The following ZPBP variants were observed in gnomAD, a reference collection of about 807,000 sequenced individuals.
ZPBP encodes the protein zona pellucida-binding protein 1.
ZPBP carries 26 observed loss-of-function variants against 44.8 expected under a neutral mutation model. That is an observed-to-expected ratio of 0.58 (90% confidence interval 0.43 to 0.81). The LOEUF is 0.81. Among genes scored for constraint, ZPBP ranks in the 30% least tolerant of loss-of-function variants. The pLI is 0.00. For synonymous variants in ZPBP, 174 were observed against 153.2 expected (o/e 1.14, Z -1.00); for missense variants, 409 against 434.0 (o/e 0.94, Z 0.51).
intron 2 of ZPBP, among the ~76,000 whole-genome samples, chr7:49,879,657 A>G (rs1175209129): frequency 6.6e-6 from 1 of 152,008 alleles, no homozygotes; most frequent in African/African-American, 2.4e-5. Context: ...AAGGCCTTGT[A>G]CTGCAGTTTT....
At chr7:50,027,410 A>G (rs991252912) in intron 5 of ZPBP, among the ~76,000 whole-genome samples, 4 of 152,070 alleles carry the variant, frequency 2.6e-5, no homozygotes, top group African/African-American at 9.7e-5. Context: ...ATTAGAAAAT[A>G]CTTGTAGATG....
At chr7:49,844,583 G>T in the ZPBP span, among the ~76,000 whole-genome samples, 1 of 152,220 alleles carries the variant, frequency 6.6e-6, no homozygotes, top group Non-Finnish European at 1.5e-5. Context: ...GAAAGGTAAT[G>T]CAGCATGGAA....
intron 2 of ZPBP, among the ~76,000 whole-genome samples, chr7:50,084,848 C>T (rs929016020): frequency 2.0e-5 from 3 of 151,974 alleles, no homozygotes; most frequent in African/African-American, 7.2e-5. Flanking sequence ...AAAATTACCT[C>T]CTTCATAAAA....
rs772657162 is a variant in ZPBP at position 50,093,113 on chromosome 7, T to TGGCGGCCCGAGAGAGCAGGGAGCC, written c.58_81dup (p.Gly20_Ala27dup). The TGGCGGCCCGAGAGAGCAGGGAGCC allele has an allele frequency of 9.4e-6, 15 of 1,589,674 alleles. No homozygotes were observed. The highest frequency in any genetic ancestry group is 5.7e-5 in the South Asian group (5 of 87,744). On this transcript the variant is annotated inframe_insertion, in exon 1 of 8. Coordinates refer to ENST00000046087, the MANE Select transcript of ZPBP (RefSeq NM_007009.3). ...AGGAAGGCGGAGATAAAGAGGAGGA[T>TGGCGGCCCGAGAGAGCAGGGAGCC]GGCGGCCCGAGAGAGCAGGGAGCCG...
intron 1 of ZPBP, among the ~76,000 whole-genome samples, chr7:49,926,897 G>T (rs1015820320): frequency 6.6e-6 from 1 of 152,176 alleles, no homozygotes; most frequent in African/African-American, 2.4e-5. Context: ...CATAGCGGCC[G>T]CAGGAAATTC....
In ZPBP at chr7:49,851,940, C is replaced by T. The variant is rs144638168; in HGVS notation, n.510-1426G>A. Among the ~76,000 whole-genome samples, 1,367 of 152,274 alleles carry T rather than the reference C, an allele frequency of 9.0e-3. 17 individuals carry two copies. The highest frequency in any genetic ancestry group is 0.031 in the African/African-American group (1,298 of 41,570). ...CACTGGATCTCTAAAGTTCAGTGGGCTCTTTCCCACTCCCGTTCTAAGGAC... is the reference window on the plus strand; with the variant it reads ...CACTGGATCTCTAAAGTTCAGTGGGTTCTTTCCCACTCCCGTTCTAAGGAC... On this transcript the variant is annotated intron_variant and non_coding_transcript_variant, in intron 2 of 2. Transcript: ENST00000465922.
intron 2 of ZPBP, among the ~76,000 whole-genome samples, chr7:49,875,387 A>AAAAAAAAAAAC (rs1791366042): frequency 6.7e-6 from 1 of 149,738 alleles, no homozygotes; most frequent in Non-Finnish European, 1.5e-5. Context: ...AAAAAAAAAA[A>AAAAAAAAAAAC]AAAAAAAAAA....
intron 7 of ZPBP, among the ~76,000 whole-genome samples, chr7:49,946,969 G>C (rs1299028468): frequency 6.6e-6 from 1 of 152,038 alleles, no homozygotes; most frequent in Non-Finnish European, 1.5e-5. Flanking sequence ...GATAAATTCT[G>C]CTGTTAAGAG....
chr7:49,849,698 G>C (rs1022247616), downstream of ZPBP, among the ~76,000 whole-genome samples: 2 of 152,200 alleles, frequency 1.3e-5, no homozygotes, highest in Non-Finnish European at 2.9e-5. Context: ...TTTATTTCAG[G>C]GAGATTGTGG....
At chr7:49,864,240 G>C (rs142773730) in intron 2 of ZPBP, among the ~76,000 whole-genome samples, 1 of 152,132 alleles carries the variant, frequency 6.6e-6, no homozygotes, top group African/African-American at 2.4e-5. Context: ...AAGGGAAAGA[G>C]AGGAAGACAG....
At chr7:49,900,819 T>C (rs1028764558) in intron 2 of ZPBP, among the ~76,000 whole-genome samples, 2 of 151,842 alleles carry the variant, frequency 1.3e-5, no homozygotes, top group Non-Finnish European at 3.0e-5. Context: ...AAAGGAAAAC[T>C]AAAGACTAAT....
intron 7 of ZPBP, chr7:49,940,629 G>A (rs1794834052): frequency 3.2e-6 from 1 of 315,996 alleles, no homozygotes; most frequent in Non-Finnish European, 4.6e-6. Flanking sequence ...CCAGCCATAG[G>A]TCTACAGCAA....
intron 3 of ZPBP, among the ~76,000 whole-genome samples, chr7:50,058,750 G>T (rs535933555): frequency 2.0e-5 from 3 of 152,102 alleles, no homozygotes; most frequent in Admixed American, 2.0e-4. Context: ...TTGCAGTGCT[G>T]GGGGTTAGAA....
chr7:49,926,251 T>G (rs139222746), intron 1 of ZPBP, among the ~76,000 whole-genome samples: 87 of 152,360 alleles, frequency 5.7e-4, no homozygotes, highest in Middle Eastern at 3.4e-3. Flanking sequence ...TTGAGTCCTC[T>G]TGTGGAACAT....
intron 2 of ZPBP, among the ~76,000 whole-genome samples, chr7:49,878,909 C>G (rs755675640): frequency 6.6e-6 from 1 of 152,132 alleles, no homozygotes; most frequent in Non-Finnish European, 1.5e-5. Flanking sequence ...ACTGGATAGT[C>G]TAATATGTCT....
intron 5 of ZPBP, among the ~76,000 whole-genome samples, chr7:50,029,811 T>G (rs929692834): frequency 3.3e-5 from 5 of 150,052 alleles, no homozygotes; most frequent in Admixed American, 2.0e-4. Flanking sequence ...TCTAGTATAC[T>G]TTCAGCTTTT....
At chr7:50,030,751 G>A (rs967612306) in intron 5 of ZPBP, among the ~76,000 whole-genome samples, 14 of 152,028 alleles carry the variant, frequency 9.2e-5, no homozygotes, top group Non-Finnish European at 1.6e-4. Context: ...TAAGCTGGAC[G>A]GTTCCTCTGG....
chr7:50,040,901 C>T (rs1800054566), intron 4 of ZPBP, among the ~76,000 whole-genome samples: 1 of 152,170 alleles, frequency 6.6e-6, no homozygotes, highest in African/African-American at 2.4e-5. Flanking sequence ...AAGCTAAGAT[C>T]CACTGGCTTG....
intron 7 of ZPBP, among the ~76,000 whole-genome samples, chr7:49,965,297 G>A (rs552920041): frequency 6.6e-6 from 1 of 152,010 alleles, no homozygotes; most frequent in Admixed American, 6.6e-5. Flanking sequence ...CAAGGATAAA[G>A]GTGAAAGCAG....
Sources: gnomAD v4.1 joint callset for allele counts (sites outside exome capture counted in the v4.1 genomes callset) on GRCh38, gnomAD v4.1.1 for gene constraint, MANE v1.5 for transcripts, NCBI Gene and HGNC (gene_info 2026-07-23, HGNC 2026-07-21) for gene names.